Variants in ACO1 observed in about 807,000 individuals in gnomAD.
The protein encoded by ACO1 is cytoplasmic aconitate hydratase.
A neutral mutation model predicts 105.1 loss-of-function variants in ACO1; 78 were observed. That is an observed-to-expected ratio of 0.74 (90% CI 0.62 to 0.90). ACO1 has a LOEUF of 0.90. ACO1 is among the 40% of genes least tolerant of loss of function. The pLI, the probability that ACO1 is intolerant of heterozygous loss-of-function variation, is 0.00. For missense variants in ACO1, 965 were observed against 1,111.1 expected (o/e 0.87, Z 1.87); for synonymous variants, 364 against 397.4 (o/e 0.92, Z 1.00).
intron 4 of ACO1, among the ~76,000 whole-genome samples, chr9:32,410,282 G>A (rs574629049): frequency 1.3e-5 from 2 of 152,254 alleles, no homozygotes; most frequent in East Asian, 1.9e-4. Flanking sequence ...CTGATGGCCG[G>A]GCGTGGTGGC....
chr9:32,394,655 TC>T (rs1397632981), intron 1 of ACO1, among the ~76,000 whole-genome samples: 1 of 152,156 alleles, frequency 6.6e-6, no homozygotes. Flanking sequence ...GCGTTCCAGT[TC>T]CCTCTCTCAG....
chr9:32,431,313 A>G (rs1163563571), intron 14 of ACO1, among the ~76,000 whole-genome samples: 1 of 152,130 alleles, frequency 6.6e-6, no homozygotes, highest in Non-Finnish European at 1.5e-5. Context: ...ACGTAGTGCC[A>G]TGCTTTTTGC....
intron 1 of ACO1, among the ~76,000 whole-genome samples, chr9:32,393,012 G>A (rs904284302): frequency 2.0e-5 from 3 of 152,064 alleles, no homozygotes; most frequent in South Asian, 4.1e-4. Flanking sequence ...TGTCACCTCA[G>A]GACCCTGTGA....
chr9:32,426,403 G>A (rs913834556), intron 11 of ACO1, among the ~76,000 whole-genome samples: 2 of 152,192 alleles, frequency 1.3e-5, no homozygotes, highest in African/African-American at 4.8e-5. Flanking sequence ...GAGGGCACAG[G>A]GCACTGGCTG....
chr9:32,414,011 T>C (rs1347442514), intron 4 of ACO1, among the ~76,000 whole-genome samples: 1 of 151,948 alleles, frequency 6.6e-6, no homozygotes, highest in Non-Finnish European at 1.5e-5. Flanking sequence ...TAACTGGGTG[T>C]GGTGGCAGGC....
Position 32,391,720 on chromosome 9 carries a change from T to G in ACO1, c.-23+6985T>G, listed in dbSNP as rs573612172. Among the ~76,000 whole-genome samples the G allele has an allele frequency of 3.9e-5, 6 of 152,362 alleles. No homozygotes were observed. In the East Asian group the frequency reaches 1.2e-3, roughly 29 times the overall value. ...GCTATTGTGGAATTACATGGCAAGTTGCAAGTTGTGGCATAGTTCATGAAG... is the reference window on the plus strand; with the variant it reads ...GCTATTGTGGAATTACATGGCAAGTGGCAAGTTGTGGCATAGTTCATGAAG... On this transcript the variant is annotated intron_variant, in intron 1 of 20. Transcript: ENST00000309951.
chr9:32,388,949 A>G (rs368916131), intron 1 of ACO1, among the ~76,000 whole-genome samples: 83 of 152,360 alleles, frequency 5.4e-4, no homozygotes, highest in African/African-American at 1.9e-3. Context: ...CTGCTTTGTC[A>G]TATCACAGCT....
Position 32,425,925 on chromosome 9 carries a change from C to G in ACO1, c.1276C>G (p.His426Asp). The change falls in exon 11 of 21, where the codon CAT becomes GAT. Residue 426 changes from histidine (H) to aspartate (D), a missense_variant. His to Asp is a moderately conservative substitution (Grantham distance 81). Transcript: ENST00000309951. ...TGATAACACTGAATTCACCCTTGCTCATGGTTCTGTGGTCATTGCTGCCAT... is the reference window on the plus strand; with the variant it reads ...TGATAACACTGAATTCACCCTTGCTGATGGTTCTGTGGTCATTGCTGCCAT... ...IYDNTEFTLA[H>D]GSVVIAAITS... 1 of 1,614,108 alleles carries G rather than the reference C, an allele frequency of 6.2e-7. No homozygotes were observed.
intron 8 of ACO1, 71 bp from the exon 9 acceptor site, chr9:32,423,248 G>A: frequency 2.5e-6 from 2 of 800,754 alleles, no homozygotes; most frequent in South Asian, 1.8e-5. Flanking sequence ...GCTAATGGAA[G>A]TATCAGTTTA....
intron 4 of ACO1, among the ~76,000 whole-genome samples, chr9:32,414,799 C>G (rs562551660): frequency 6.6e-5 from 10 of 152,280 alleles, no homozygotes; most frequent in African/African-American, 2.4e-4. Context: ...AAATCAAGGT[C>G]AGAGATGCTT....
chr9:32,400,105 G>A (rs1821462654), intron 1 of ACO1, among the ~76,000 whole-genome samples: 1 of 151,050 alleles, frequency 6.6e-6, no homozygotes, highest in Non-Finnish European at 1.5e-5. Context: ...TGAGTAGCTG[G>A]GACTCCAGGT....
In ACO1 at chr9:32,420,867, G is replaced by T; in HGVS notation, c.810G>T (p.Gln270His). The T allele has an allele frequency of 6.2e-7, 1 of 1,613,760 alleles. No homozygotes were observed. Among genetic ancestry groups the T allele is most frequent in the Non-Finnish European group, 8.5e-7 (1 of 1,179,740 alleles). Residue 270 changes from glutamine to histidine, a missense_variant, in exon 8 of 21, where the codon CAG (glutamine) becomes CAT (histidine). Coordinates refer to ENST00000309951, the MANE Select transcript of ACO1 (RefSeq NM_002197.3). ...IVLTITKHLR[Q>H]VGVVGKFVEF... The stretch of plus-strand genomic sequence containing the variant: ...TTTCTGCTGCTTAGCACCTCCGCCA[G>T]GTTGGGGTAGTGGGCAAATTTGTCG...
At chr9:32,385,055 CTAACCCCGAGGG>C (rs1821127976) in intron 1 of ACO1, among the ~76,000 whole-genome samples, 1 of 152,226 alleles carries the variant, frequency 6.6e-6, no homozygotes, top group South Asian at 2.1e-4. Flanking sequence ...CCTGGGAGTC[CTAACCCCGAGGG>C]TGTGAGGCCC....
chr9:32,433,650 ATGT>A, intron 15 of ACO1, 75 bp from the exon 16 acceptor site: 1 of 1,070,824 alleles, frequency 9.3e-7, no homozygotes, highest in South Asian at 1.5e-5. Flanking sequence ...TTTAGCTTGA[ATGT>A]ATGTTTTGTG....
chr9:32,421,116 A>C, intron 8 of ACO1, 89 bp downstream of exon 8: 1 of 1,361,520 alleles, frequency 7.3e-7, no homozygotes, highest in Non-Finnish European at 1.0e-6. Flanking sequence ...CCTCTACCCA[A>C]CAGAAGGCAC....
intron 4 of ACO1, 110 bp from the exon 5 acceptor site, chr9:32,418,018 A>C (rs1821887833): frequency 1.1e-6 from 1 of 878,390 alleles, no homozygotes; most frequent in African/African-American, 1.7e-5. Context: ...TCATATTATC[A>C]CTCAGCAAGC....
At chr9:32,446,789 G>A (rs1460835009) in intron 19 of ACO1, among the ~76,000 whole-genome samples, 2 of 152,162 alleles carry the variant, frequency 1.3e-5, no homozygotes, top group African/African-American at 2.4e-5. Flanking sequence ...GGTGGTGACA[G>A]AATCTCTCAG....
At chr9:32,447,793 T>C (rs538659737) in intron 19 of ACO1, among the ~76,000 whole-genome samples, 22 of 152,334 alleles carry the variant, frequency 1.4e-4, no homozygotes, top group Middle Eastern at 3.4e-3. Context: ...TATTACTTTG[T>C]TTGTTAGTTT....
Position 32,440,594 on chromosome 9 carries a change from A to T in ACO1, c.2370+7A>T, listed in dbSNP as rs1442619321. ...TAAGGGCCCTTTCCTGCTGGTGAGT[A>T]TGAAGTAGACATCCTAGGAGGCAGC... On this transcript the variant is annotated splice_region_variant and intron_variant, in intron 19 of 20. Transcript: ENST00000309951. The T allele has an allele frequency of 1.4e-5, 23 of 1,613,060 alleles. No homozygotes were observed. Among genetic ancestry groups the T allele is most frequent in the Non-Finnish European group, 2.0e-5 (23 of 1,179,484 alleles).
Sources: gnomAD v4.1 joint callset for allele counts (sites outside exome capture counted in the v4.1 genomes callset) on GRCh38, gnomAD v4.1.1 for gene constraint, MANE v1.5 for transcripts, NCBI Gene and HGNC (gene_info 2026-07-23, HGNC 2026-07-21) for gene names.